Variants in GALNT5 observed in about 807,000 individuals in gnomAD.
The protein encoded by GALNT5 is polypeptide N-acetylgalactosaminyltransferase 5, also known as UDP-GalNAc:polypeptide N-acetylgalactosaminyltransferase 5.
GALNT5 carries 72 observed loss-of-function variants against 85.4 expected under a neutral mutation model. The ratio of observed to expected loss-of-function variants is 0.84; its 90% CI spans 0.70 to 1.03. GALNT5 has a LOEUF of 1.03. GALNT5 is among the 50% of genes least tolerant of loss of function. The pLI is 0.00. For synonymous variants in GALNT5, 404 were observed against 397.0 expected, an observed-to-expected ratio of 1.02 and a Z score of -0.21; for missense variants, 1,137 against 1,135.5, an observed-to-expected ratio of 1.00 and a Z score of -0.02.
chr2:157,276,526 T>C (rs1225476603), intron 1 of GALNT5, among the ~76,000 whole-genome samples: 1 of 152,186 alleles, frequency 6.6e-6, no homozygotes, highest in African/African-American at 2.4e-5. Flanking sequence ...TATTCAGGGA[T>C]TTAACTTCTT....
chr2:157,288,925 G>C (rs1057398181), intron 3 of GALNT5, among the ~76,000 whole-genome samples: 21 of 152,136 alleles, frequency 1.4e-4, no homozygotes, highest in Non-Finnish European at 5.9e-5. Flanking sequence ...GATGTGAAGA[G>C]AATAAGAATG....
chr2:157,262,807 A>AATT (rs1682373510), intron 1 of GALNT5, among the ~76,000 whole-genome samples: 1 of 148,214 alleles, frequency 6.7e-6, no homozygotes, highest in Non-Finnish European at 1.5e-5. Context: ...GTTAAGATTC[A>AATT]ATTTCACAAC....
At chr2:157,270,943 G>A (rs1202711670) in intron 1 of GALNT5, among the ~76,000 whole-genome samples, 4 of 152,092 alleles carry the variant, frequency 2.6e-5, no homozygotes, top group Admixed American at 1.3e-4. Flanking sequence ...GTGAAACCCC[G>A]TCTCTACTAA....
At chr2:157,307,065 G>A (rs773126172) in intron 8 of GALNT5, among the ~76,000 whole-genome samples, 12 of 151,776 alleles carry the variant, frequency 7.9e-5, no homozygotes, top group Non-Finnish European at 1.3e-4. Context: ...AGAGTAACCA[G>A]CATTTTATCT....
At position 157,308,639 on chromosome 2, in the gene GALNT5, A is replaced by G. The variant is rs1304650940; in HGVS notation, c.2593A>G (p.Lys865Glu). The G allele has an allele frequency of 1.2e-6, 2 of 1,613,644 alleles. No individual in the cohort carries two copies. The highest frequency in any genetic ancestry group is 1.7e-4 in the Middle Eastern group (1 of 6,054). ...GEWCIAPIPDKGAVRLHPCDN... is the reference protein window; with the variant it reads ...GEWCIAPIPDEGAVRLHPCDN... ...ATGGTGTATAGCCCCCATCCCTGAT[A>G]AAGGAGCCGTAAGGCTGCACCCTTG... Residue 865 changes from lysine to glutamate, a missense_variant, in exon 9 of 10, where the codon AAA becomes GAA. By Grantham distance (56) the Lys-to-Glu change is moderately conservative. Coordinates refer to ENST00000259056, the MANE Select transcript of GALNT5 (RefSeq NM_014568.3).
At chr2:157,259,623 AT>A in intron 1 of GALNT5, 87 bp downstream of exon 1, 1 of 986,992 alleles carries the variant, frequency 1.0e-6, no homozygotes, top group Non-Finnish European at 1.4e-6. Context: ...ATTCTGTGTG[AT>A]TTTTGGTCAC....
At chr2:157,300,556 T>C in intron 6 of GALNT5, 120 bp from the exon 7 acceptor site, 2 of 714,570 alleles carry the variant, frequency 2.8e-6, no homozygotes, top group Non-Finnish European at 4.8e-6. Context: ...TGCAAAAGTG[T>C]TTTTGAAGTT....
chr2:157,268,750 A>G (rs930623031), intron 1 of GALNT5, among the ~76,000 whole-genome samples: 5 of 152,082 alleles, frequency 3.3e-5, no homozygotes, highest in African/African-American at 9.7e-5. Flanking sequence ...ATTTGTTTTT[A>G]GAACTTGGAT....
Position 157,284,385 on chromosome 2 carries a change from A to T in GALNT5, c.1558A>T (p.Ile520Phe), listed in dbSNP as rs1682925752. 1.2e-6 allele frequency: 2 copies of T among 1,613,910 alleles called. No homozygotes were observed. Among genetic ancestry groups the T allele is most frequent in the Non-Finnish European group, 1.7e-6 (2 of 1,179,904 alleles). The change falls in exon 2 of 10, where the codon ATC (isoleucine) becomes TTC (phenylalanine). Residue 520 changes from isoleucine (I) to phenylalanine (F), a missense_variant. Coordinates refer to ENST00000259056, the MANE Select transcript of GALNT5 (RefSeq NM_014568.3). ...STLLRSVHSV[I>F]NRSPPHLIKE... ...TCTCCTGAGATCTGTTCACAGTGTC[A>T]TCAATCGCTCTCCTCCACACCTCAT...
In GALNT5 at chr2:157,284,269, T is replaced by G; in HGVS notation, c.1455-13T>G. On this transcript the variant is annotated splice_polypyrimidine_tract_variant and intron_variant, in intron 1 of 9. Transcript: ENST00000259056. ...TAGCACATCTCTTGTGCTCTGCTTA[T>G]ATTCTGGCCCAGATGTGCAGAGCAG... 1 of 1,612,592 alleles carries G rather than the reference T, an allele frequency of 6.2e-7. No individual in the cohort carries two copies. The highest frequency in any genetic ancestry group is 1.1e-5 in the South Asian group (1 of 91,036).
At chr2:157,266,581 GTGTT>G (rs1682463261) in intron 1 of GALNT5, among the ~76,000 whole-genome samples, 1 of 152,122 alleles carries the variant, frequency 6.6e-6, no homozygotes, top group Admixed American at 6.5e-5. Flanking sequence ...TTATGTGTGT[GTGTT>G]TGTGTGTGTG....
chr2:157,300,650 T>A, intron 6 of GALNT5, 26 bp from the exon 7 acceptor site: 1 of 1,537,816 alleles, frequency 6.5e-7, no homozygotes, highest in Non-Finnish European at 9.0e-7. Context: ...ATTTGATAAT[T>A]GATGCTTATC....
At chr2:157,268,083 A>C (rs539352837) in intron 1 of GALNT5, among the ~76,000 whole-genome samples, 1 of 152,302 alleles carries the variant, frequency 6.6e-6, no homozygotes, top group South Asian at 2.1e-4. Context: ...GCAGTAGTTG[A>C]ATTGCAAATA....
chr2:157,299,811 A>C, intron 6 of GALNT5, 146 bp downstream of exon 6: 1 of 511,920 alleles, frequency 2.0e-6, no homozygotes, highest in South Asian at 3.4e-5. Context: ...TAATTTTTTC[A>C]TATCTCAGAT....
intron 1 of GALNT5, among the ~76,000 whole-genome samples, chr2:157,260,698 TAGTC>T (rs1365460839): frequency 6.6e-6 from 1 of 152,252 alleles, no homozygotes; most frequent in East Asian, 1.9e-4. Flanking sequence ...CATTACATTT[TAGTC>T]AGTGTTACTA....
Position 157,308,653 on chromosome 2 carries a change from G to A in GALNT5, c.2607G>A (p.Arg869=). The change falls in exon 9 of 10, where the codon AGG becomes AGA. Residue 869 remains arginine (R), a synonymous_variant. Coordinates refer to ENST00000259056, the MANE Select transcript of GALNT5 (RefSeq NM_014568.3). ...IAPIPDKGAV[R]LHPCDNRNKG... ...CCATCCCTGATAAAGGAGCCGTAAG[G>A]CTGCACCCTTGTGATAACAGAAACA... 6.2e-7 allele frequency: 1 copy of A among 1,613,838 alleles called. No individual in the cohort carries two copies. Among genetic ancestry groups the A allele is most frequent in the Non-Finnish European group, 8.5e-7 (1 of 1,179,728 alleles).
intron 7 of GALNT5, among the ~76,000 whole-genome samples, chr2:157,302,814 A>C (rs1479621571): frequency 6.6e-6 from 1 of 152,218 alleles, no homozygotes; most frequent in Non-Finnish European, 1.5e-5. Context: ...TGCACCAAGT[A>C]TTTTAAAAAG....
intron 7 of GALNT5, among the ~76,000 whole-genome samples, chr2:157,304,585 C>A (rs1394578000): frequency 6.6e-6 from 1 of 152,236 alleles, no homozygotes; most frequent in East Asian, 1.9e-4. Context: ...CAGCATTCAA[C>A]TGAAGATCTG....
chr2:157,273,711 C>T (rs935044305), intron 1 of GALNT5, among the ~76,000 whole-genome samples: 1 of 129,786 alleles, frequency 7.7e-6, no homozygotes, highest in Admixed American at 9.0e-5. Context: ...GGCACAATCT[C>T]AGCTCACCGC....
Sources: gnomAD v4.1 joint callset for allele counts (sites outside exome capture counted in the v4.1 genomes callset) on GRCh38, gnomAD v4.1.1 for gene constraint, MANE v1.5 for transcripts, NCBI Gene and HGNC (gene_info 2026-07-23, HGNC 2026-07-21) for gene names.